CDH23: variants seen among roughly 807,000 people sequenced by gnomAD.
CDH23 encodes cadherin-23.
CDH23 carries 189 observed loss-of-function variants against 317.1 expected under a neutral mutation model. That is an observed-to-expected ratio of 0.60 (90% CI 0.53 to 0.67). The LOEUF is 0.67. Among genes scored for constraint, CDH23 ranks in the 30% least tolerant of loss-of-function variants. The pLI is 0.00. For synonymous variants in CDH23, 1,839 were observed against 1,876.8 expected (o/e 0.98, Z 0.52); for missense variants, 4,401 against 4,592.4 (o/e 0.96, Z 1.20).
chr10:71,432,517 A>AGTCT, intron 1 of CDH23, among the ~76,000 whole-genome samples: 1 of 144,738 alleles, frequency 6.9e-6, no homozygotes, highest in South Asian at 2.3e-4. Context: ...GGTGAGTGTG[A>AGTCT]GTGTGTGGGT....
At chr10:71,619,864 G>T (rs1861381304) in intron 11 of CDH23, among the ~76,000 whole-genome samples, 1 of 152,214 alleles carries the variant, frequency 6.6e-6, no homozygotes, top group East Asian at 1.9e-4. Flanking sequence ...GTCAGACAGG[G>T]CCTGTGTTTC....
chr10:71,431,530 G>A (rs932661786), intron 1 of CDH23, among the ~76,000 whole-genome samples: 2 of 152,224 alleles, frequency 1.3e-5, no homozygotes, highest in African/African-American at 4.8e-5. Context: ...CTTCTTGCAC[G>A]CACGAACCTC....
At chr10:71,630,228 C>T (rs1861937467) in intron 11 of CDH23, among the ~76,000 whole-genome samples, 1 of 152,064 alleles carries the variant, frequency 6.6e-6, no homozygotes, top group African/African-American at 2.4e-5. Flanking sequence ...CACTACATTG[C>T]CTAAGCTGGT....
intron 1 of CDH23, among the ~76,000 whole-genome samples, chr10:71,428,711 C>T (rs756557738): frequency 2.0e-5 from 3 of 152,126 alleles, no homozygotes; most frequent in Non-Finnish European, 4.4e-5. Context: ...GCCTCAGCCT[C>T]CTGAGTAGCT....
At chr10:71,452,420 C>A (rs1439420356) in intron 3 of CDH23, among the ~76,000 whole-genome samples, 2 of 152,218 alleles carry the variant, frequency 1.3e-5, no homozygotes, top group Admixed American at 6.5e-5. Context: ...CCACTCTCCA[C>A]AGACACCTTG....
At chr10:71,590,873 T>TAAAAAAAAAAAAA (rs71018215) in intron 9 of CDH23, among the ~76,000 whole-genome samples, 1 of 72,310 alleles carries the variant, frequency 1.4e-5, no homozygotes, top group African/African-American at 6.9e-5. Context: ...ACCCTGTCTC[T>TAAAAAAAAAAAAA]AAAAAAAAAA....
intron 19 of CDH23, among the ~76,000 whole-genome samples, chr10:71,689,203 T>G (rs1312371): frequency 0.26 from 11,255 of 43,118 alleles, 1,812 homozygotes; most frequent in South Asian, 0.4. Context: ...GGAGCCAGGG[T>G]TGGTGGAGTC....
intron 27 of CDH23, 44 bp from the exon 28 acceptor site, chr10:71,712,621 C>T (rs771459636): frequency 2.2e-5 from 36 of 1,606,534 alleles, no homozygotes; most frequent in Non-Finnish European, 2.8e-5. Context: ...GTGTGCCCCT[C>T]TCTCAGGCAG....
chr10:71,519,291 A>G (rs1854522599), intron 6 of CDH23, among the ~76,000 whole-genome samples: 1 of 152,134 alleles, frequency 6.6e-6, no homozygotes, highest in Non-Finnish European at 1.5e-5. Flanking sequence ...GCTGCCTGCT[A>G]GTTCTGCTGC....
At chr10:71,633,532 C>T (rs948977175) in intron 11 of CDH23, among the ~76,000 whole-genome samples, 3 of 152,154 alleles carry the variant, frequency 2.0e-5, no homozygotes, top group African/African-American at 7.2e-5. Context: ...GGGATGGTCA[C>T]CCCTCTACCC....
intron 11 of CDH23, among the ~76,000 whole-genome samples, chr10:71,641,662 A>G (rs1165283644): frequency 2.6e-5 from 4 of 152,196 alleles, no homozygotes; most frequent in Non-Finnish European, 5.9e-5. Flanking sequence ...GAGGGAGAAG[A>G]ATCGGGGAGC....
chr10:71,649,428 G>A (rs146772385), intron 14 of CDH23, among the ~76,000 whole-genome samples: 14 of 152,338 alleles, frequency 9.2e-5, no homozygotes, highest in African/African-American at 1.9e-4. Flanking sequence ...TCATCCTGGC[G>A]TGGCCCTGCT....
intron 37 of CDH23, among the ~76,000 whole-genome samples, 193 bp downstream of exon 37, chr10:71,741,143 T>G (rs1412263632): frequency 6.6e-6 from 1 of 151,962 alleles, no homozygotes; most frequent in Non-Finnish European, 1.5e-5. Flanking sequence ...CTTTTTGGAG[T>G]AGAGGAGAAG....
chr10:71,714,130 TTG>T (rs1297870082), intron 28 of CDH23: 1 of 152,162 alleles, frequency 6.6e-6, no homozygotes, highest in African/African-American at 2.4e-5. Flanking sequence ...GGTAAGTTTC[TTG>T]TGAAGCCGGA....
chr10:71,446,143 G>C (rs1850153772), intron 2 of CDH23, among the ~76,000 whole-genome samples, 175 bp from the exon 3 acceptor site: 1 of 152,212 alleles, frequency 6.6e-6, no homozygotes, highest in Admixed American at 6.5e-5. Context: ...CGACCTACTG[G>C]CATTGTCCCC....
intron 9 of CDH23, among the ~76,000 whole-genome samples, chr10:71,587,581 G>T (rs767195648): frequency 1.3e-5 from 2 of 152,198 alleles, no homozygotes; most frequent in Non-Finnish European, 2.9e-5. Context: ...ACCTAGGAAG[G>T]CATCTAGGAA....
At chr10:71,713,093 A>G in intron 28 of CDH23, 1 of 764,278 alleles carries the variant, frequency 1.3e-6, no homozygotes, top group South Asian at 1.4e-5. Context: ...CCCCACCCAG[A>G]AGGGCCTTTC....
At chr10:71,576,931 C>T (rs1858248416) in intron 8 of CDH23, among the ~76,000 whole-genome samples, 1 of 152,194 alleles carries the variant, frequency 6.6e-6, no homozygotes, top group South Asian at 2.1e-4. Flanking sequence ...AGGATCTCTT[C>T]CTAGGACAGT....
At chr10:71,784,644 C>A (rs569314001) in intron 42 of CDH23, among the ~76,000 whole-genome samples, 33 of 152,362 alleles carry the variant, frequency 2.2e-4, no homozygotes, top group African/African-American at 7.5e-4. Flanking sequence ...TGCCCCATCA[C>A]TCCCTTCTCC....
Sources: allele counts gnomAD v4.1 joint callset (sites outside exome capture counted in the v4.1 genomes callset), GRCh38; gene constraint gnomAD v4.1.1; transcripts MANE v1.5; gene names NCBI Gene and HGNC (gene_info 2026-07-23, HGNC 2026-07-21).